Variants in RPS6KA2 observed in about 807,000 individuals in gnomAD.
RPS6KA2 encodes the protein ribosomal protein S6 kinase A2.
Under a neutral mutation model 91.8 loss-of-function variants are expected in RPS6KA2, and 42 were observed. That is an observed-to-expected ratio of 0.46 (90% CI 0.36 to 0.59). The LOEUF (loss-of-function observed/expected upper bound fraction) is 0.59. RPS6KA2 is among the 20% of genes least tolerant of loss of function. The probability of loss-of-function intolerance (pLI) is 0.00; values close to 1 mark genes in which losing one functional copy is unlikely to be tolerated. For synonymous variants in RPS6KA2, 414 were observed against 393.6 expected (o/e 1.05, Z -0.61); for missense variants, 798 against 978.5 (o/e 0.82, Z 2.46).
intron 2 of RPS6KA2, among the ~76,000 whole-genome samples, chr6:166,728,953 G>A (rs1043965784): frequency 5.3e-5 from 8 of 152,174 alleles, no homozygotes; most frequent in African/African-American, 1.7e-4. Flanking sequence ...GCATTTACTT[G>A]GTGTGCTGCC....
At chr6:166,651,763 C>T (rs1410586420) in intron 2 of RPS6KA2, among the ~76,000 whole-genome samples, 1 of 152,220 alleles carries the variant, frequency 6.6e-6, no homozygotes, top group East Asian at 1.9e-4. Flanking sequence ...GGCACGTATA[C>T]AACACCATCA....
At position 166,616,036 on chromosome 6, in the gene RPS6KA2, G is replaced by A. The variant is rs537350371; in HGVS notation, c.99+10885C>T. 6.8e-4 allele frequency among the ~76,000 whole-genome samples: 104 copies of A among 152,170 alleles called. 4 individuals are homozygous for A. The South Asian group carries it at 0.02, about 29-fold the overall frequency. On this transcript the variant is annotated intron_variant, in intron 1 of 20. Coordinates refer to ENST00000265678, the MANE Select transcript of RPS6KA2 (RefSeq NM_021135.6). ...GCAGTCCCTGCGCTAGGCCTCTACC[G>A]TGTCTCTTGCCGTACCCTGCCACCC...
chr6:166,427,052 A>G (rs1255351077), intron 16 of RPS6KA2, among the ~76,000 whole-genome samples: 3 of 152,148 alleles, frequency 2.0e-5, no homozygotes, highest in Non-Finnish European at 4.4e-5. Context: ...AAAATCCTCA[A>G]TAAAATACTG....
chr6:166,654,784 T>C (rs934075933), intron 2 of RPS6KA2, among the ~76,000 whole-genome samples: 1 of 152,198 alleles, frequency 6.6e-6, no homozygotes, highest in Non-Finnish European at 1.5e-5. Context: ...TTTTAGCTGC[T>C]GTACATCACG....
Position 166,453,197 on chromosome 6 carries a change from T to TCACACACA in RPS6KA2, c.1076-1972_1076-1965dup, listed in dbSNP as rs149702729. Among the ~76,000 whole-genome samples, 76 of 141,230 alleles carry TCACACACA rather than the reference T, an allele frequency of 5.4e-4. 1 individual carries two copies. The highest frequency in any genetic ancestry group is 3.3e-3 in the East Asian group (16 of 4,872). 92.7% of individuals were successfully genotyped at this position (141,230 alleles called of 152,430 possible). A position where few individuals can be genotyped will look rare whatever the true frequency, so the allele number is the denominator to read the frequency against. On this transcript the variant is annotated intron_variant, in intron 12 of 20. Coordinates refer to ENST00000265678, the MANE Select transcript of RPS6KA2 (RefSeq NM_021135.6). ...GCCTGGGCGACAGAGTGAGACTCCA[T>TCACACACA]CACACACACACACACACACACACAC...
At position 166,490,593 on chromosome 6, in the gene RPS6KA2, A is replaced by G; in HGVS notation, c.818+78T>C. On this transcript the variant is annotated intron_variant, in intron 9 of 20. Transcript: ENST00000265678. This position sits in a 1 kb window ranked among gnomAD's most constrained non-coding sequence, Gnocchi z 4.2. The stretch of plus-strand genomic sequence containing the variant: ...CCTAGCAATGTAATTAAAACTTCAC[A>G]GTTCCAGGTTCAGAGGCAGCAGCTC... 1.0e-6 allele frequency: 1 copy of G among 956,034 alleles called. No homozygotes were observed. The allele number at this position is 956,034 out of a possible 1,614,324, so 59.2% of individuals were successfully genotyped here. A position where few individuals can be genotyped will look rare whatever the true frequency, so the allele number is the denominator to read the frequency against.
intron 2 of RPS6KA2, among the ~76,000 whole-genome samples, chr6:166,706,623 G>A (rs1583036568): frequency 6.6e-6 from 1 of 152,152 alleles, no homozygotes; most frequent in East Asian, 1.9e-4. Context: ...ATAGCCTGGA[G>A]ACCCCAGACC....
At chr6:166,845,662 G>C (rs911173058) in intron 2 of RPS6KA2, among the ~76,000 whole-genome samples, 1 of 152,086 alleles carries the variant, frequency 6.6e-6, no homozygotes, top group Non-Finnish European at 1.5e-5. Flanking sequence ...TATTTGAGCT[G>C]AACAATAATA....
At chr6:166,838,726 T>G (rs1350577463) in intron 2 of RPS6KA2, among the ~76,000 whole-genome samples, 1 of 152,182 alleles carries the variant, frequency 6.6e-6, no homozygotes, top group African/African-American at 2.4e-5. Context: ...GCCTCACCAC[T>G]GGAGGACTCG....
At chr6:166,479,759 C>T (rs1012770891) in intron 10 of RPS6KA2, among the ~76,000 whole-genome samples, 14 of 152,198 alleles carry the variant, frequency 9.2e-5, no homozygotes, top group African/African-American at 2.9e-4. Context: ...CCCGTCCCTC[C>T]GGGGAGAAGC....
rs58214863 is a variant in RPS6KA2 at position 166,832,036 on chromosome 6, TGATAGATAGATA to T, written c.123+26152_123+26163del. Among the ~76,000 whole-genome samples the T allele has an allele frequency of 1.5e-3, 229 of 148,050 alleles. 1 individual carries two copies. The highest frequency in any genetic ancestry group is 6.4e-3 in the East Asian group (32 of 4,990). ...TATACATACATGTATAGATGATACA[TGATAGATAGATA>T]GATAGATAGATAGATAGATAGATAG... On this transcript the variant is annotated intron_variant, in intron 2 of 21. Transcript: ENST00000503859.
chr6:166,417,498 G>A (rs1778573972), intron 19 of RPS6KA2, among the ~76,000 whole-genome samples: 1 of 152,096 alleles, frequency 6.6e-6, no homozygotes, highest in Non-Finnish European at 1.5e-5. Flanking sequence ...ATAGCCTGTG[G>A]TGGGCAACTG....
At chr6:166,538,604 G>T in intron 2 of RPS6KA2, 64 bp downstream of exon 2, 1 of 899,900 alleles carries the variant, frequency 1.1e-6, no homozygotes, top group Non-Finnish European at 1.8e-6. Context: ...ATCCAGGGGG[G>T]CTCTGTCCAG....
At chr6:166,586,358 A>G (rs1376503366) in intron 1 of RPS6KA2, 1 of 1,599,226 alleles carries the variant, frequency 6.3e-7, no homozygotes, top group African/African-American at 1.6e-5. Context: ...TCCATTCCTC[A>G]ACAATTGGAG....
intron 8 of RPS6KA2, among the ~76,000 whole-genome samples, chr6:166,492,720 C>CTTTT (rs10533292): frequency 0.024 from 3,424 of 141,088 alleles, 172 homozygotes; most frequent in African/African-American, 0.085. Context: ...TTTTTCTTTT[C>CTTTT]TTTTTTTTTT....
intron 14 of RPS6KA2, among the ~76,000 whole-genome samples, chr6:166,442,364 G>A (rs2128451329): frequency 6.6e-6 from 1 of 152,318 alleles, no homozygotes; most frequent in African/African-American, 2.4e-5. Flanking sequence ...TGCACTCGGG[G>A]TCTGACTGCT....
At chr6:166,525,493 G>A (rs1317545988) in intron 3 of RPS6KA2, among the ~76,000 whole-genome samples, 2 of 152,106 alleles carry the variant, frequency 1.3e-5, no homozygotes, top group African/African-American at 2.4e-5. Flanking sequence ...AAGGAGACGG[G>A]TGCCCAACGC....
At chr6:166,847,293 A>C (rs1780630862) in intron 2 of RPS6KA2, among the ~76,000 whole-genome samples, 1 of 152,236 alleles carries the variant, frequency 6.6e-6, no homozygotes, top group Non-Finnish European at 1.5e-5. Flanking sequence ...TTCCATGTTC[A>C]TGGATAGGTA....
intron 1 of RPS6KA2, among the ~76,000 whole-genome samples, chr6:166,572,195 A>G (rs1784709721): frequency 6.6e-6 from 1 of 152,186 alleles, no homozygotes; most frequent in Non-Finnish European, 1.5e-5. Context: ...TGTGTATCTG[A>G]GTGGTGGGAT....
Sources: allele counts gnomAD v4.1 joint callset (sites outside exome capture counted in the v4.1 genomes callset), GRCh38; gene constraint gnomAD v4.1.1; non-coding constraint Gnocchi (gnomAD v3.1); transcripts MANE v1.5; gene names NCBI Gene and HGNC (gene_info 2026-07-23, HGNC 2026-07-21).